The following NPAS3 variants were observed in gnomAD, a reference collection of about 807,000 sequenced individuals.
NPAS3 encodes neuronal PAS domain-containing protein 3.
A neutral mutation model predicts 73.1 loss-of-function variants in NPAS3; 14 were observed. That is an observed-to-expected ratio of 0.19 (90% CI 0.13 to 0.30). The LOEUF (loss-of-function observed/expected upper bound fraction) is 0.30, where lower values mean the gene tolerates loss of function less well. NPAS3 is among the 10% of genes least tolerant of loss of function. The pLI is 1.00. For missense variants in NPAS3, 1,096 were observed against 1,250.0 expected, an observed-to-expected ratio of 0.88 and a Z score of 1.86; for synonymous variants, 620 against 541.5, an observed-to-expected ratio of 1.14 and a Z score of -2.01.
intron 2 of NPAS3, among the ~76,000 whole-genome samples, chr14:33,094,570 A>G (rs1333504885): frequency 3.3e-5 from 5 of 151,198 alleles, no homozygotes; most frequent in Non-Finnish European, 7.4e-5. Context: ...GGTTCAAGGT[A>G]TTCTCCTGCC....
chr14:33,332,926 A>G (rs1456684360), intron 3 of NPAS3, among the ~76,000 whole-genome samples: 1 of 152,248 alleles, frequency 6.6e-6, no homozygotes, highest in African/African-American at 2.4e-5. Flanking sequence ...TAACAATTAG[A>G]TACTTTGTCT....
intron 4 of NPAS3, among the ~76,000 whole-genome samples, chr14:33,369,623 C>T (rs2046000026): frequency 6.6e-6 from 1 of 152,080 alleles, no homozygotes; most frequent in African/African-American, 2.4e-5. Context: ...GGCATCTAAG[C>T]ATGATTGCAC....
intron 1 of NPAS3, among the ~76,000 whole-genome samples, chr14:33,034,755 C>A (rs942363140): frequency 2.0e-5 from 3 of 152,056 alleles, no homozygotes; most frequent in Non-Finnish European, 4.4e-5. Flanking sequence ...ATAGTACTCT[C>A]AGAGAGCACC....
intron 4 of NPAS3, among the ~76,000 whole-genome samples, chr14:33,391,120 C>T (rs1480315985): frequency 6.8e-6 from 1 of 146,838 alleles, no homozygotes; most frequent in African/African-American, 2.5e-5. Context: ...AAAACAAAAA[C>T]AAATAATCAA....
intron 1 of NPAS3, among the ~76,000 whole-genome samples, chr14:33,011,029 T>C (rs1424031938): frequency 5.9e-5 from 9 of 152,116 alleles, no homozygotes; most frequent in African/African-American, 1.9e-4. Flanking sequence ...TTTGAAACTT[T>C]TGTTGAATTT....
chr14:33,126,357 G>A (rs553127239), intron 2 of NPAS3, among the ~76,000 whole-genome samples: 2 of 152,240 alleles, frequency 1.3e-5, no homozygotes, highest in South Asian at 2.1e-4. Context: ...AATGGATGCC[G>A]TTCCTGTGTT....
intron 3 of NPAS3, among the ~76,000 whole-genome samples, chr14:33,350,202 G>C (rs1457035707): frequency 6.6e-6 from 1 of 152,174 alleles, no homozygotes; most frequent in Non-Finnish European, 1.5e-5. Context: ...ATTTCTAAAG[G>C]ACTTCTTAAA....
intron 4 of NPAS3, among the ~76,000 whole-genome samples, chr14:33,465,304 A>C (rs1334334213): frequency 6.6e-6 from 1 of 152,158 alleles, no homozygotes; most frequent in Non-Finnish European, 1.5e-5. Flanking sequence ...TAAACACGTA[A>C]TTTTATTAAG....
chr14:32,950,498 G>A (rs866639224), intron 1 of NPAS3, among the ~76,000 whole-genome samples: 1 of 152,068 alleles, frequency 6.6e-6, no homozygotes, highest in Non-Finnish European at 1.5e-5. Context: ...CTGTTAGGAT[G>A]AGAAAGATCA....
At chr14:33,661,131 T>C (rs1288664499) in intron 5 of NPAS3, among the ~76,000 whole-genome samples, 1 of 150,166 alleles carries the variant, frequency 6.7e-6, no homozygotes, top group Non-Finnish European at 1.5e-5. Context: ...CGGCAAACTG[T>C]CTATCATGTG....
rs1016839486 is a variant in NPAS3, at chr14:33,457,029, T to C, written c.468+89761T>C. Among the ~76,000 whole-genome samples, 5 of 152,132 alleles carry C rather than the reference T, an allele frequency of 3.3e-5. No homozygotes were observed. The East Asian group carries it at 9.6e-4, about 29-fold the overall frequency. On this transcript the variant is annotated intron_variant, in intron 4 of 11. Transcript: ENST00000356141. The stretch of plus-strand genomic sequence containing the variant: ...AGCGTTTTATACCATCAGGAGGCAA[T>C]ACGGTTCAAGATGCCTTCCCTGGCT...
chr14:32,992,867 T>G (rs1226138760), intron 1 of NPAS3, among the ~76,000 whole-genome samples: 5 of 151,906 alleles, frequency 3.3e-5, no homozygotes. Context: ...AAAATTATGG[T>G]CTCTCGGCAG....
At chr14:33,339,339 G>T (rs2140304903) in intron 3 of NPAS3, among the ~76,000 whole-genome samples, 1 of 152,158 alleles carries the variant, frequency 6.6e-6, no homozygotes, top group African/African-American at 2.4e-5. Flanking sequence ...TTATTTTCCT[G>T]GGGGTGGGGA....
intron 2 of NPAS3, among the ~76,000 whole-genome samples, chr14:33,123,707 A>G (rs1484094614): frequency 3.9e-5 from 6 of 152,230 alleles, no homozygotes; most frequent in East Asian, 1.9e-4. Flanking sequence ...TTAAAAACAG[A>G]TAAGGTAAAC....
intron 2 of NPAS3, among the ~76,000 whole-genome samples, chr14:33,088,339 T>A (rs1283314671): frequency 6.6e-6 from 1 of 151,906 alleles, no homozygotes; most frequent in Non-Finnish European, 1.5e-5. Flanking sequence ...ACTCCCACCA[T>A]AATACTGCGC....
intron 1 of NPAS3, among the ~76,000 whole-genome samples, chr14:32,957,683 T>A (rs2139193481): frequency 6.6e-6 from 1 of 152,296 alleles, no homozygotes; most frequent in East Asian, 1.9e-4. Flanking sequence ...AAGTATTCAT[T>A]TTCTATTCCA....
intron 2 of NPAS3, among the ~76,000 whole-genome samples, chr14:33,116,821 C>G (rs2043080950): frequency 6.7e-6 from 1 of 150,236 alleles, no homozygotes; most frequent in Non-Finnish European, 1.5e-5. Flanking sequence ...CATATTCTGT[C>G]TGCTGGAACT....
chr14:33,286,030 C>A (rs1435060545), intron 3 of NPAS3, among the ~76,000 whole-genome samples: 1 of 152,128 alleles, frequency 6.6e-6, no homozygotes, highest in Non-Finnish European at 1.5e-5. Context: ...GTTTGTCTCC[C>A]CTCCCCAGGC....
chr14:33,027,126 C>T (rs1488601023), intron 1 of NPAS3, among the ~76,000 whole-genome samples: 1 of 152,160 alleles, frequency 6.6e-6, no homozygotes, highest in African/African-American at 2.4e-5. Flanking sequence ...CAGATCATAG[C>T]CTCTAGCCTG....
Sources: allele counts gnomAD v4.1 joint callset (sites outside exome capture counted in the v4.1 genomes callset), GRCh38; gene constraint gnomAD v4.1.1; transcripts MANE v1.5; gene names NCBI Gene and HGNC (gene_info 2026-07-23, HGNC 2026-07-21).